Variants in IL19 observed in about 807,000 individuals in gnomAD.
IL19 encodes the protein interleukin 19.
A neutral mutation model predicts 19.5 loss-of-function variants in IL19; 15 were observed. The observed-to-expected ratio is 0.77, with a 90% CI of 0.52 to 1.19. IL19 has a LOEUF of 1.19. IL19 is among the 50% of genes most tolerant of loss of function. The pLI is 0.00. For synonymous variants in IL19, 78 were observed against 78.3 expected (o/e 1.00, Z 0.02); for missense variants, 199 against 213.1 (o/e 0.93, Z 0.41).
At chr1:206,831,615 T>A (rs548474811) in intron 2 of IL19, among the ~76,000 whole-genome samples, 1 of 152,364 alleles carries the variant, frequency 6.6e-6, no homozygotes, top group African/African-American at 2.4e-5. Flanking sequence ...TTGCTTATTA[T>A]GCGCCAGGTA....
intron 2 of IL19, among the ~76,000 whole-genome samples, chr1:206,799,485 C>T (rs1675622239): frequency 1.3e-5 from 2 of 152,148 alleles, no homozygotes; most frequent in African/African-American, 4.8e-5. Context: ...ATCAGAAAGC[C>T]AGAACTCAGC....
chr1:206,814,954 AAAC>A (rs1244350574), intron 2 of IL19, among the ~76,000 whole-genome samples: 3 of 152,216 alleles, frequency 2.0e-5, no homozygotes, highest in Admixed American at 6.5e-5. Context: ...TAGAGACCTA[AAAC>A]AACAACAATC....
intron 2 of IL19, among the ~76,000 whole-genome samples, chr1:206,810,487 C>T (rs1011748223): frequency 1.9e-4 from 29 of 152,198 alleles, no homozygotes; most frequent in African/African-American, 6.5e-4. Context: ...GCCTAGAGGA[C>T]AATCCTTTCA....
chr1:206,785,926 A>C (rs924940467), intron 1 of IL19, among the ~76,000 whole-genome samples: 2 of 152,226 alleles, frequency 1.3e-5, no homozygotes, highest in South Asian at 2.1e-4. Flanking sequence ...TTGGAAAGCT[A>C]CCTGCACCGA....
intron 2 of IL19, among the ~76,000 whole-genome samples, chr1:206,828,316 T>C (rs1484420120): frequency 6.6e-6 from 1 of 152,210 alleles, no homozygotes; most frequent in Non-Finnish European, 1.5e-5. Flanking sequence ...GCCCCTACCT[T>C]TAGTGAGCAC....
At position 206,772,182 on chromosome 1, in the gene IL19, C is replaced by T. The variant is rs371225550; in HGVS notation, c.-149+1104C>T. 2.2e-4 allele frequency: 251 copies of T among 1,137,464 alleles called. 1 individual carries two copies. In the African/African-American group the frequency reaches 2.3e-3, roughly 11 times the overall value. The allele number at this position is 1,137,464 out of a possible 1,614,324, so 70.5% of individuals were successfully genotyped here. A position where few individuals can be genotyped will look rare whatever the true frequency, so the allele number is the denominator to read the frequency against. ...TAGGTGTTGGGGATGGAGGTGGAGG[C>T]GCAGGAGGAGGGTTCTTATAGTTCC... is the stretch of plus-strand genomic sequence containing the variant. On this transcript the variant is annotated intron_variant, in intron 1 of 6. Transcript: ENST00000659997.
intron 2 of IL19, among the ~76,000 whole-genome samples, chr1:206,831,120 G>T (rs1676596674): frequency 6.6e-6 from 1 of 152,154 alleles, no homozygotes; most frequent in Admixed American, 6.5e-5. Context: ...TCAGTACTTA[G>T]GAATGGCCAG....
At chr1:206,824,602 T>C (rs1676383139) in intron 2 of IL19, among the ~76,000 whole-genome samples, 1 of 152,172 alleles carries the variant, frequency 6.6e-6, no homozygotes, top group Admixed American at 6.5e-5. Flanking sequence ...TAAGGGAAGA[T>C]AGACTGACCT....
chr1:206,808,222 T>G (rs531365020), intron 2 of IL19, among the ~76,000 whole-genome samples: 36 of 152,318 alleles, frequency 2.4e-4, no homozygotes, highest in African/African-American at 8.7e-4. Flanking sequence ...TCCCAGCTAC[T>G]CTGGTGGCTG....
intron 2 of IL19, among the ~76,000 whole-genome samples, chr1:206,832,893 C>CT (rs1676657515): frequency 6.6e-6 from 1 of 152,196 alleles, no homozygotes; most frequent in African/African-American, 2.4e-5. Flanking sequence ...TCCCTTGCAC[C>CT]TGTCCCGTAA....
At chr1:206,836,068 T>C (rs1676784842) in intron 2 of IL19, among the ~76,000 whole-genome samples, 1 of 152,232 alleles carries the variant, frequency 6.6e-6, no homozygotes, top group African/African-American at 2.4e-5. Context: ...TAGCTCCTTA[T>C]TGTGGCTAAT....
At chr1:206,817,099 C>A (rs1676176425) in intron 2 of IL19, among the ~76,000 whole-genome samples, 1 of 152,206 alleles carries the variant, frequency 6.6e-6, no homozygotes, top group Non-Finnish European at 1.5e-5. Context: ...TGGCTGAAAT[C>A]AGTTGGAACC....
chr1:206,790,938 A>G (rs188043412), intron 1 of IL19, among the ~76,000 whole-genome samples: 44 of 152,354 alleles, frequency 2.9e-4, no homozygotes, highest in African/African-American at 1.0e-3. Flanking sequence ...ATGACATGAT[A>G]GATGACCTTT....
intron 1 of IL19, among the ~76,000 whole-genome samples, chr1:206,771,843 G>T (rs182562553): frequency 1.3e-5 from 2 of 152,182 alleles, no homozygotes; most frequent in South Asian, 2.1e-4. Context: ...TCTAATGCAG[G>T]TTTCCCTCAT....
chr1:206,842,331 C>G (rs935662487), intron 6 of IL19, among the ~76,000 whole-genome samples, 196 bp from the exon 7 acceptor site: 2 of 151,934 alleles, frequency 1.3e-5, no homozygotes, highest in Admixed American at 6.6e-5. Flanking sequence ...CATAATTTAA[C>G]TACTTGTTTG....
intron 2 of IL19, among the ~76,000 whole-genome samples, chr1:206,799,827 AC>A (rs992084832): frequency 2.6e-5 from 4 of 152,182 alleles, no homozygotes; most frequent in Middle Eastern, 6.8e-3. Context: ...CTCTGTGAAG[AC>A]CCTCTGATCA....
intron 2 of IL19, among the ~76,000 whole-genome samples, chr1:206,810,029 A>G (rs938546788): frequency 6.6e-6 from 1 of 152,164 alleles, no homozygotes; most frequent in African/African-American, 2.4e-5. Context: ...TTGCCTCACC[A>G]TTAGGGTCGG....
At chr1:206,782,039 ATGTATATAGTTATATATACATATATG>A (rs1373001333) in intron 1 of IL19, among the ~76,000 whole-genome samples, 20,247 of 98,032 alleles carry the variant, frequency 0.21, 1,459 homozygotes, top group Non-Finnish European at 0.27. Context: ...ATACATATAT[ATGTATATAGTTATATATACATATATG>A]TGTAAACATT....
chr1:206,770,873 C>T lies in IL19; in HGVS notation c.-354C>T, dbSNP rs1376098143. ...TCTGTAGGAGATGGTATTTTGGGGG[C>T]AGCTGCAAGGGAAAAAACTGATCTG... On this transcript the variant is annotated 5_prime_UTR_variant, in exon 1 of 7. An upstream open reading frame in the 5' UTR gains an earlier in-frame stop. Coordinates refer to ENST00000659997, the MANE Select transcript of IL19 (RefSeq NM_153758.5). 2 of 1,609,104 alleles carry T rather than the reference C, an allele frequency of 1.2e-6. No homozygotes were observed. The highest frequency in any genetic ancestry group is 1.1e-5 in the South Asian group (1 of 91,022).
Sources: gnomAD v4.1 joint callset for allele counts (sites outside exome capture counted in the v4.1 genomes callset) on GRCh38, gnomAD v4.1.1 for gene constraint, MANE v1.5 for transcripts, NCBI Gene and HGNC (gene_info 2026-07-23, HGNC 2026-07-21) for gene names.